The following SLC2A9 variants were observed in gnomAD, a reference collection of about 807,000 sequenced individuals.
SLC2A9 encodes solute carrier family 2 member 9, also known as solute carrier family 2, facilitated glucose transporter member 9.
A neutral mutation model predicts 50.6 loss-of-function variants in SLC2A9; 39 were observed. The observed-to-expected ratio is 0.77, with a 90% CI of 0.60 to 1.01. The LOEUF (loss-of-function observed/expected upper bound fraction) is 1.01, where lower values mean the gene tolerates loss of function less well. SLC2A9 is among the 50% of genes least tolerant of loss of function. The pLI is 0.00. For missense variants in SLC2A9, 686 were observed against 677.6 expected (o/e 1.01, Z -0.14); for synonymous variants, 324 against 276.9 (o/e 1.17, Z -1.69).
chr4:9,803,927 T>C (rs1325472545), intron 3 of SLC2A9, among the ~76,000 whole-genome samples: 1 of 152,246 alleles, frequency 6.6e-6, no homozygotes, highest in African/African-American at 2.4e-5. Context: ...TTTGTTTTGA[T>C]AAAGCTTAGA....
chr4:9,773,259 C>A (rs1027660262), intron 1 of SLC2A9, among the ~76,000 whole-genome samples: 1 of 152,168 alleles, frequency 6.6e-6, no homozygotes, highest in Admixed American at 6.5e-5. Flanking sequence ...CCCTCCCCAT[C>A]CCCTCCCCTC....
chr4:9,811,331 G>A (rs1004232900), intron 3 of SLC2A9, among the ~76,000 whole-genome samples: 1 of 152,198 alleles, frequency 6.6e-6, no homozygotes, highest in South Asian at 2.1e-4. Context: ...ATTCGGGCTG[G>A]TCCCATGACT....
intron 5 of SLC2A9, among the ~76,000 whole-genome samples, chr4:9,969,565 T>G (rs1445321555): frequency 6.6e-6 from 1 of 152,188 alleles, no homozygotes; most frequent in African/African-American, 2.4e-5. Context: ...GCCTCTTGTA[T>G]TAGTCCCTTT....
intron 2 of SLC2A9, among the ~76,000 whole-genome samples, chr4:10,004,023 C>T (rs1407025205): frequency 6.6e-6 from 1 of 152,208 alleles, no homozygotes; most frequent in Non-Finnish European, 1.5e-5. Context: ...CACCAGGACT[C>T]AGCCCCAGTG....
At chr4:9,815,857 C>G (rs967915899) in intron 3 of SLC2A9, among the ~76,000 whole-genome samples, 9 of 152,066 alleles carry the variant, frequency 5.9e-5, no homozygotes, top group Admixed American at 5.9e-4. Flanking sequence ...AAAATAAAAT[C>G]CAATAATATT....
rs191825696 is a variant in SLC2A9 at position 9,782,095 on chromosome 4, G to A, written n.386-2030C>T. The stretch of plus-strand genomic sequence containing the variant: ...AGTTCGCTCTATACCAGCAGCTGGC[G>A]CAGGGGAACGCCGTGGGGGGCTCGG... On this transcript the variant is annotated intron_variant and non_coding_transcript_variant, in intron 3 of 3. Transcript: ENST00000503803. The A allele has an allele frequency of 6.4e-4, 981 of 1,528,628 alleles. 8 individuals are homozygous for A. In the African/African-American group the frequency reaches 0.012, roughly 19 times the overall value. The allele number at this position is 1,528,628 out of a possible 1,614,324, so 94.7% of individuals were successfully genotyped here.
At chr4:9,843,006 TG>T (rs2109234498) in intron 10 of SLC2A9, among the ~76,000 whole-genome samples, 1 of 152,172 alleles carries the variant, frequency 6.6e-6, no homozygotes, top group South Asian at 2.1e-4. Flanking sequence ...CGGGAAACTG[TG>T]GAAAACACAT....
chr4:9,854,891 G>A (rs28868569), intron 10 of SLC2A9, among the ~76,000 whole-genome samples: 10,442 of 152,094 alleles, frequency 0.069, 830 homozygotes, highest in East Asian at 0.25. Flanking sequence ...ATGCAGAAAC[G>A]GCTCTGATAA....
At chr4:9,973,316 C>G (rs1754215229) in intron 5 of SLC2A9, among the ~76,000 whole-genome samples, 2 of 151,952 alleles carry the variant, frequency 1.3e-5, no homozygotes, top group South Asian at 4.2e-4. Flanking sequence ...ACCTACCAAC[C>G]AATAAAAGCC....
chr4:9,855,190 T>C (rs928351586), intron 10 of SLC2A9, among the ~76,000 whole-genome samples: 12 of 152,228 alleles, frequency 7.9e-5, no homozygotes, highest in Admixed American at 5.2e-4. Context: ...GCAGACAATA[T>C]AATTTTATAC....
chr4:9,967,555 TAA>T (rs1334500168), intron 5 of SLC2A9, among the ~76,000 whole-genome samples: 2 of 151,954 alleles, frequency 1.3e-5, no homozygotes, highest in Admixed American at 6.5e-5. Flanking sequence ...TAAAAAATTA[TAA>T]GACAAAATAT....
chr4:9,880,515 A>G (rs1735019810), intron 10 of SLC2A9: 1 of 985,220 alleles, frequency 1.0e-6, no homozygotes, highest in Non-Finnish European at 1.2e-6. Context: ...CAGAATCAGG[A>G]TCATTGCAAA....
intron 6 of SLC2A9, among the ~76,000 whole-genome samples, chr4:9,935,009 A>T (rs1746808522): frequency 6.6e-6 from 1 of 152,252 alleles, no homozygotes; most frequent in Non-Finnish European, 1.5e-5. Flanking sequence ...ATGGCTACAT[A>T]GTATTCCATG....
intron 10 of SLC2A9, among the ~76,000 whole-genome samples, chr4:9,883,382 A>G (rs986972738): frequency 6.6e-6 from 1 of 152,188 alleles, no homozygotes; most frequent in African/African-American, 2.4e-5. Flanking sequence ...TAGATTTTTA[A>G]CACTTGGGTT....
intron 10 of SLC2A9, among the ~76,000 whole-genome samples, chr4:9,875,019 C>G (rs905494593): frequency 4.7e-4 from 67 of 143,998 alleles, no homozygotes; most frequent in African/African-American, 1.5e-3. Flanking sequence ...GATGCTGTGT[C>G]TTTAGAAATG....
intron 10 of SLC2A9, among the ~76,000 whole-genome samples, chr4:9,887,226 G>A (rs1419121458): frequency 6.6e-6 from 1 of 152,200 alleles, no homozygotes; most frequent in East Asian, 1.9e-4. Context: ...ACCATAGACG[G>A]TAACTGCTTA....
chr4:9,869,569 G>T (rs1419045216), intron 10 of SLC2A9, among the ~76,000 whole-genome samples: 1 of 152,126 alleles, frequency 6.6e-6, no homozygotes, highest in Non-Finnish European at 1.5e-5. Flanking sequence ...CCTGCTCTGG[G>T]ACTCTTATCT....
At position 9,782,353 on chromosome 4, in the gene SLC2A9, C is replaced by G. The variant is rs184288806; in HGVS notation, n.386-2288G>C. On this transcript the variant is annotated intron_variant and non_coding_transcript_variant, in intron 3 of 3. Transcript: ENST00000503803. Reference sequence around the variant, plus strand: ...TCGCCGAGGTGGCCGGTTACTGGCCCTTTGGAGCGTTCTGCGACGTCTGGG... The same window carrying G: ...TCGCCGAGGTGGCCGGTTACTGGCCGTTTGGAGCGTTCTGCGACGTCTGGG... 691 of 1,614,052 alleles carry G rather than the reference C, an allele frequency of 4.3e-4. 1 individual carries two copies. In the East Asian group the frequency reaches 4.5e-3, roughly 11 times the overall value.
At chr4:9,805,694 T>G (rs1348042654) in intron 3 of SLC2A9, among the ~76,000 whole-genome samples, 2 of 147,532 alleles carry the variant, frequency 1.4e-5, no homozygotes, top group East Asian at 1.9e-4. Flanking sequence ...TCAGTTTTTT[T>G]TTTTTTTTTT....
Sources: allele counts gnomAD v4.1 joint callset (sites outside exome capture counted in the v4.1 genomes callset), GRCh38; gene constraint gnomAD v4.1.1; transcripts MANE v1.5; gene names NCBI Gene and HGNC (gene_info 2026-07-23, HGNC 2026-07-21).